NRF1: variants seen among roughly 807,000 people sequenced by gnomAD.
The protein encoded by NRF1 is nuclear respiratory factor 1.
A neutral mutation model predicts 58.5 loss-of-function variants in NRF1; 5 were observed. That is an observed-to-expected ratio of 0.09 (90% CI 0.04 to 0.18). The LOEUF (loss-of-function observed/expected upper bound fraction) is 0.18, where lower values mean the gene tolerates loss of function less well. Among genes scored for constraint, NRF1 ranks in the 10% least tolerant of loss-of-function variants. The pLI, the probability that NRF1 is intolerant of heterozygous loss-of-function variation, is 1.00. For missense variants in NRF1, 288 were observed against 657.7 expected, an observed-to-expected ratio of 0.44 and a Z score of 6.15; for synonymous variants, 224 against 246.7, an observed-to-expected ratio of 0.91 and a Z score of 0.86.
At chr7:129,639,261 T>C (rs1390250596) in intron 1 of NRF1, among the ~76,000 whole-genome samples, 5 of 152,012 alleles carry the variant, frequency 3.3e-5, no homozygotes. Context: ...GGTTTCACTA[T>C]TTTGGCCAGG....
intron 5 of NRF1, among the ~76,000 whole-genome samples, chr7:129,706,587 A>G (rs1241604442): frequency 1.3e-5 from 2 of 152,186 alleles, no homozygotes; most frequent in Non-Finnish European, 2.9e-5. Flanking sequence ...AAGATAAAAA[A>G]GTTGAGAAGA....
intron 9 of NRF1, among the ~76,000 whole-genome samples, chr7:129,721,295 A>G (rs181195369): frequency 1.3e-5 from 2 of 152,188 alleles, no homozygotes; most frequent in East Asian, 1.9e-4. Context: ...CTTACTTGAT[A>G]GTATATTGTT....
intron 1 of NRF1, among the ~76,000 whole-genome samples, chr7:129,645,816 G>A (rs1041653316): frequency 6.6e-6 from 1 of 152,072 alleles, no homozygotes; most frequent in Non-Finnish European, 1.5e-5. Flanking sequence ...ACTTCTAAGT[G>A]TCCCATTTCT....
Position 129,671,573 on chromosome 7 carries a change from A to G in NRF1, c.338+30A>G, listed in dbSNP as rs749580079. 4 of 1,151,376 alleles carry G rather than the reference A, an allele frequency of 3.5e-6. No individual in the cohort carries two copies. The South Asian group carries it at 3.7e-5, about 11-fold the overall frequency. The allele number at this position is 1,151,376 out of a possible 1,614,324, so 71.3% of individuals were successfully genotyped here. On this transcript the variant is annotated intron_variant, in intron 3 of 10. Transcript: ENST00000393232. ...GGGCTCCCTTATCCATATTGTTACT[A>G]TTCCTCAAATACTTCCTGTGGATGA...
chr7:129,621,068 G>A (rs925904987), intron 1 of NRF1, among the ~76,000 whole-genome samples: 2 of 152,170 alleles, frequency 1.3e-5, no homozygotes, highest in Non-Finnish European at 1.5e-5. Context: ...CACATTATGT[G>A]TTCACTAGAT....
chr7:129,696,082 A>AC (rs1802689284), intron 5 of NRF1, among the ~76,000 whole-genome samples: 1 of 144,642 alleles, frequency 6.9e-6, no homozygotes, highest in African/African-American at 2.6e-5. Flanking sequence ...AAAAAAAAAA[A>AC]AAAACAACCA....
At chr7:129,640,479 C>T (rs2151067102) in intron 1 of NRF1, among the ~76,000 whole-genome samples, 1 of 152,208 alleles carries the variant, frequency 6.6e-6, no homozygotes, top group African/African-American at 2.4e-5. Flanking sequence ...CACTGCACTC[C>T]AGCCTAGGTG....
At chr7:129,677,007 A>ATTTTTTT (rs56059756) in intron 3 of NRF1, among the ~76,000 whole-genome samples, 14 of 113,540 alleles carry the variant, frequency 1.2e-4, no homozygotes, top group Non-Finnish European at 1.9e-4. Flanking sequence ...TCTTGGTTGC[A>ATTTTTTT]TTTTTTTTTT....
intron 8 of NRF1, among the ~76,000 whole-genome samples, chr7:129,712,871 A>G (rs1219794440): frequency 6.6e-6 from 1 of 152,204 alleles, no homozygotes; most frequent in Non-Finnish European, 1.5e-5. Flanking sequence ...GTCCCAGAAC[A>G]CTAGAACAAG....
At chr7:129,706,608 G>GGA (rs1406389478) in intron 5 of NRF1, among the ~76,000 whole-genome samples, 3 of 152,156 alleles carry the variant, frequency 2.0e-5, no homozygotes, top group Non-Finnish European at 4.4e-5. Context: ...CAAGTAGATT[G>GGA]GAGAGAGGGT....
chr7:129,619,431 TATACAC>T (rs1293329764), intron 1 of NRF1, among the ~76,000 whole-genome samples: 1 of 71,544 alleles, frequency 1.4e-5, no homozygotes. Flanking sequence ...TATATATATA[TATACAC>T]ACACACACAC....
At chr7:129,733,495 C>T (rs1286817403) in intron 10 of NRF1, among the ~76,000 whole-genome samples, 1 of 151,850 alleles carries the variant, frequency 6.6e-6, no homozygotes, top group East Asian at 1.9e-4. Context: ...AAAGAAAACC[C>T]TATCTTAGCC....
intron 8 of NRF1, among the ~76,000 whole-genome samples, chr7:129,716,605 T>A (rs1458354799): frequency 6.6e-6 from 1 of 152,084 alleles, no homozygotes; most frequent in Non-Finnish European, 1.5e-5. Flanking sequence ...GCGTGGTGAC[T>A]CATGCCTGTA....
chr7:129,673,452 G>C (rs535841239), intron 3 of NRF1, among the ~76,000 whole-genome samples: 1 of 152,130 alleles, frequency 6.6e-6, no homozygotes, highest in Non-Finnish European at 1.5e-5. Context: ...TTTCGGGGTC[G>C]GGCGCGGTGG....
intron 10 of NRF1, among the ~76,000 whole-genome samples, chr7:129,730,323 T>C (rs1803551702): frequency 6.6e-6 from 1 of 152,056 alleles, no homozygotes. Context: ...CCACACCCTG[T>C]CCAGGCCAAG....
chr7:129,619,486 G>GTATATATA (rs1287050843), intron 1 of NRF1, among the ~76,000 whole-genome samples: 140 of 32,272 alleles, frequency 4.3e-3, no homozygotes, highest in South Asian at 0.013. Flanking sequence ...GTGTGTGTGT[G>GTATATATA]TGTGTATATA....
intron 1 of NRF1, among the ~76,000 whole-genome samples, chr7:129,628,622 C>CA (rs1800975928): frequency 6.6e-6 from 1 of 152,168 alleles, no homozygotes; most frequent in Non-Finnish European, 1.5e-5. Flanking sequence ...CTTTTGCACT[C>CA]AGTCTGCTGT....
At chr7:129,678,682 G>A (rs2151086909) in intron 4 of NRF1, among the ~76,000 whole-genome samples, 1 of 152,226 alleles carries the variant, frequency 6.6e-6, no homozygotes, top group South Asian at 2.1e-4. Flanking sequence ...CTGAGAAATA[G>A]CCTTTACTGT....
At chr7:129,681,655 TCTC>T (rs996812498) in intron 4 of NRF1, among the ~76,000 whole-genome samples, 1 of 152,112 alleles carries the variant, frequency 6.6e-6, no homozygotes, top group Non-Finnish European at 1.5e-5. Flanking sequence ...CTCACTGCAA[TCTC>T]CTCCTCTTGG....
Sources: allele counts gnomAD v4.1 joint callset (sites outside exome capture counted in the v4.1 genomes callset), GRCh38; gene constraint gnomAD v4.1.1; transcripts MANE v1.5; gene names NCBI Gene and HGNC (gene_info 2026-07-23, HGNC 2026-07-21).